Variants in TXLNB observed in about 807,000 individuals in gnomAD.
TXLNB encodes the protein beta-taxilin.
In TXLNB, 37 loss-of-function variants were observed where a neutral mutation model predicts 57.4. The ratio of observed to expected loss-of-function variants is 0.64; its 90% confidence interval spans 0.50 to 0.85. TXLNB has a LOEUF of 0.85. TXLNB is among the 40% of genes least tolerant of loss of function. The pLI, the probability that TXLNB is intolerant of heterozygous loss-of-function variation, is 0.00. For missense variants in TXLNB, 848 were observed against 825.6 expected (o/e 1.03, Z -0.33); for synonymous variants, 302 against 309.6 (o/e 0.98, Z 0.26).
the TXLNB span, chr6:139,176,888 CA>C: frequency 1.2e-6 from 1 of 825,794 alleles, no homozygotes; most frequent in Non-Finnish European, 2.1e-6. This position sits in a 1 kb window ranked among gnomAD's most constrained non-coding sequence, Gnocchi z 4.5. Flanking sequence ...ATGACTTTGA[CA>C]AGTGTTGGGA....
chr6:139,199,603 T>C, the TXLNB span, among the ~76,000 whole-genome samples: 8 of 151,876 alleles, frequency 5.3e-5, no homozygotes, highest in Non-Finnish European at 1.2e-4. Flanking sequence ...GGCAGAGGAG[T>C]TGGGGAGATG....
Position 139,244,603 on chromosome 6 carries a change from T to C in TXLNB, c.1258A>G (p.Ile420Val), listed in dbSNP as rs1776027627. ...ENCNKALLDM[I>V]EEKALRAKEY... ...GGGAGAAACTTCCTCACCTCTTCAA[T>C]CATGTCCAACAGAGCTTTGTTACAG... Residue 420 changes from isoleucine to valine, a missense_variant, in exon 9 of 10, where the codon ATT becomes GTT. Ile to Val is a conservative substitution (Grantham distance 29, BLOSUM62 3). Coordinates refer to ENST00000358430, the MANE Select transcript of TXLNB (RefSeq NM_153235.4). 6.2e-7 allele frequency: 1 copy of C among 1,612,258 alleles called. No homozygotes were observed. The highest frequency in any genetic ancestry group is 8.5e-7 in the Non-Finnish European group (1 of 1,178,268).
downstream of TXLNB, among the ~76,000 whole-genome samples, chr6:139,236,459 A>G (rs979629825): frequency 6.6e-6 from 1 of 151,710 alleles, no homozygotes; most frequent in African/African-American, 2.4e-5. Context: ...CCATTTCAAT[A>G]GTGAGTGAGT....
At chr6:139,238,514 C>T (rs973388570), downstream of TXLNB, among the ~76,000 whole-genome samples, 5 of 152,210 alleles carry the variant, frequency 3.3e-5, no homozygotes, top group Admixed American at 3.3e-4. Context: ...TTCACACGCA[C>T]ATGTGACAGA....
chr6:139,166,718 A>G, the TXLNB span: 2 of 1,611,846 alleles, frequency 1.2e-6, no homozygotes, highest in Non-Finnish European at 1.7e-6. Flanking sequence ...GAAAGGCCCA[A>G]GCCACGACCT....
the TXLNB span, among the ~76,000 whole-genome samples, chr6:139,198,971 C>CT: frequency 0.11 from 16,477 of 144,410 alleles, 1,317 homozygotes; most frequent in African/African-American, 0.21. Context: ...TTCTTTCTTC[C>CT]TTTTTTTTTT....
intron 9 of TXLNB, among the ~76,000 whole-genome samples, chr6:139,243,962 T>G (rs1341658935): frequency 1.3e-5 from 2 of 152,094 alleles, no homozygotes; most frequent in African/African-American, 4.8e-5. Context: ...TCACCTCACC[T>G]CTGAGCTACT....
chr6:139,307,204 T>C, the TXLNB span, among the ~76,000 whole-genome samples: 1 of 152,228 alleles, frequency 6.6e-6, no homozygotes, highest in South Asian at 2.1e-4. Flanking sequence ...TTTTTGTTTG[T>C]TTGTTTTGTT....
chr6:139,229,837 A>G, the TXLNB span, among the ~76,000 whole-genome samples: 6 of 152,090 alleles, frequency 3.9e-5, no homozygotes, highest in African/African-American at 1.4e-4. Flanking sequence ...TGGTCTTATT[A>G]CCATTAAATA....
intron 4 of TXLNB, among the ~76,000 whole-genome samples, chr6:139,265,271 G>A (rs1292583792): frequency 6.6e-6 from 1 of 152,158 alleles, no homozygotes; most frequent in East Asian, 1.9e-4. Flanking sequence ...CATGCTCCCT[G>A]AGACACTTAC....
the TXLNB span, among the ~76,000 whole-genome samples, chr6:139,184,360 G>T: frequency 8.5e-5 from 13 of 152,318 alleles, no homozygotes; most frequent in East Asian, 2.3e-3. Context: ...CAACACAGGC[G>T]CCAACATAGA....
chr6:139,269,654 C>A (rs371814725), intron 4 of TXLNB, among the ~76,000 whole-genome samples: 1 of 152,282 alleles, frequency 6.6e-6, no homozygotes, highest in Non-Finnish European at 1.5e-5. Context: ...GAAGTATCTC[C>A]TTTTAAACGC....
the TXLNB span, among the ~76,000 whole-genome samples, chr6:139,172,961 C>T: frequency 7.2e-5 from 11 of 152,330 alleles, no homozygotes; most frequent in South Asian, 2.3e-3. Flanking sequence ...GTTAGCAACA[C>T]CTGACTTCTG....
chr6:139,253,856 A>G (rs1411867676), intron 7 of TXLNB, among the ~76,000 whole-genome samples: 1 of 152,220 alleles, frequency 6.6e-6, no homozygotes, highest in Non-Finnish European at 1.5e-5. Flanking sequence ...TGATGTGAAC[A>G]GTGCACAGCT....
upstream of TXLNB, among the ~76,000 whole-genome samples, chr6:139,293,687 A>G (rs1043463323): frequency 7.2e-5 from 11 of 151,970 alleles, no homozygotes; most frequent in African/African-American, 2.7e-4. Context: ...TCCCACCCCC[A>G]GTTTTGTCCT....
chr6:139,209,792 T>C, the TXLNB span, among the ~76,000 whole-genome samples: 1 of 152,118 alleles, frequency 6.6e-6, no homozygotes, highest in African/African-American at 2.4e-5. Flanking sequence ...AAAACTCTTT[T>C]AGACATTGGC....
chr6:139,316,268 A>C, the TXLNB span, among the ~76,000 whole-genome samples: 1 of 152,300 alleles, frequency 6.6e-6, no homozygotes, highest in Admixed American at 6.5e-5. Flanking sequence ...GTTTTAGAAA[A>C]GAACACTATT....
chr6:139,193,888 C>A, the TXLNB span, among the ~76,000 whole-genome samples: 1 of 141,092 alleles, frequency 7.1e-6, no homozygotes, highest in Non-Finnish European at 1.5e-5. Flanking sequence ...GTCGCCCAGG[C>A]TGGAGTGCAG....
At chr6:139,184,338 C>T in the TXLNB span, among the ~76,000 whole-genome samples, 2 of 152,164 alleles carry the variant, frequency 1.3e-5, no homozygotes, top group African/African-American at 4.8e-5. Context: ...GCTATAGTAG[C>T]CCTTGCTTCA....
Sources: gnomAD v4.1 joint callset for allele counts (sites outside exome capture counted in the v4.1 genomes callset) on GRCh38, gnomAD v4.1.1 for gene constraint, Gnocchi (gnomAD v3.1) non-coding constraint, MANE v1.5 for transcripts, NCBI Gene and HGNC (gene_info 2026-07-23, HGNC 2026-07-21) for gene names.